The following WDPCP variants were observed in gnomAD, a reference collection of about 807,000 sequenced individuals.
WDPCP encodes the protein WD repeat-containing and planar cell polarity effector protein fritz homolog.
Under a neutral mutation model 93.1 loss-of-function variants are expected in WDPCP, and 71 were observed. The observed-to-expected ratio is 0.76, with a 90% confidence interval of 0.63 to 0.93. The LOEUF is 0.93. WDPCP is among the 40% of genes least tolerant of loss of function. The pLI, the probability that WDPCP is intolerant of heterozygous loss-of-function variation, is 0.00. For synonymous variants in WDPCP, 315 were observed against 315.0 expected, an observed-to-expected ratio of 1.00 and a Z score of 0.00; for missense variants, 844 against 887.4, an observed-to-expected ratio of 0.95 and a Z score of 0.62.
chr2:63,414,470 TATACACAC>T (rs1452377796), intron 9 of WDPCP, among the ~76,000 whole-genome samples: 3 of 117,002 alleles, frequency 2.6e-5, no homozygotes, highest in Non-Finnish European at 5.7e-5. Context: ...TACACACACA[TATACACAC>T]ACACACACAC....
intron 14 of WDPCP, among the ~76,000 whole-genome samples, chr2:63,223,344 G>A (rs773564364): frequency 4.6e-5 from 7 of 152,076 alleles, no homozygotes; most frequent in Non-Finnish European, 1.0e-4. Context: ...ATCAGAGAAC[G>A]TTTTACCACC....
intron 14 of WDPCP, among the ~76,000 whole-genome samples, chr2:63,227,354 G>C (rs1559223199): frequency 6.6e-6 from 1 of 151,928 alleles, no homozygotes; most frequent in South Asian, 2.1e-4. Flanking sequence ...CCATGCAAAG[G>C]TGTTACAGTG....
At chr2:63,398,910 A>T (rs1214369102) in intron 10 of WDPCP, among the ~76,000 whole-genome samples, 2 of 152,176 alleles carry the variant, frequency 1.3e-5, no homozygotes, top group East Asian at 3.8e-4. Flanking sequence ...GAAGTATATT[A>T]ATTTTTTTGG....
chr2:63,794,858 A>T (rs766318424), intron 2 of WDPCP, among the ~76,000 whole-genome samples: 1 of 152,208 alleles, frequency 6.6e-6, no homozygotes, highest in African/African-American at 2.4e-5. Context: ...GCACTCTTCT[A>T]TCTAGTCATT....
intron 2 of WDPCP, among the ~76,000 whole-genome samples, chr2:63,767,476 T>C (rs1048467409): frequency 1.3e-5 from 2 of 152,160 alleles, no homozygotes; most frequent in African/African-American, 4.8e-5. Context: ...GTATGAGAGT[T>C]CCTGTTGTTC....
chr2:63,403,963 A>G (rs1694345617), intron 10 of WDPCP, 85 bp downstream of exon 10: 2 of 1,569,930 alleles, frequency 1.3e-6, no homozygotes, highest in Non-Finnish European at 1.7e-6. Flanking sequence ...AGAAAAATCT[A>G]CATTCTAAGA....
chr2:63,328,065 G>A (rs543347010), intron 12 of WDPCP, among the ~76,000 whole-genome samples: 23 of 152,292 alleles, frequency 1.5e-4, no homozygotes, highest in African/African-American at 5.5e-4. Flanking sequence ...GAGAGGTGAA[G>A]CCAGCTGGGC....
At chr2:63,483,515 T>G (rs1292405055) in intron 6 of WDPCP, among the ~76,000 whole-genome samples, 3 of 151,770 alleles carry the variant, frequency 2.0e-5, no homozygotes, top group African/African-American at 7.3e-5. Flanking sequence ...TGAGTAAAGG[T>G]AGACTAGACA....
At chr2:63,401,901 G>A (rs1347188886) in intron 10 of WDPCP, among the ~76,000 whole-genome samples, 10 of 152,084 alleles carry the variant, frequency 6.6e-5, no homozygotes, top group African/African-American at 2.4e-5. Flanking sequence ...CAACCATTGT[G>A]GAAGACAGTA....
intron 2 of WDPCP, among the ~76,000 whole-genome samples, chr2:63,739,369 A>G (rs1262999314): frequency 6.6e-6 from 1 of 152,036 alleles, no homozygotes; most frequent in Non-Finnish European, 1.5e-5. Flanking sequence ...ATCCTTTTTT[A>G]TGGCTGCATG....
chr2:63,768,334 TG>T (rs1670176502), intron 2 of WDPCP, among the ~76,000 whole-genome samples: 1 of 151,830 alleles, frequency 6.6e-6, no homozygotes, highest in South Asian at 2.1e-4. Flanking sequence ...GTGCCATTTT[TG>T]TTCCTTTTTT....
chr2:63,433,072 C>T (rs559914463), intron 9 of WDPCP, among the ~76,000 whole-genome samples: 25 of 152,094 alleles, frequency 1.6e-4, no homozygotes, highest in African/African-American at 5.8e-4. Flanking sequence ...AATTCTGTAA[C>T]CAAAGTACTA....
At chr2:63,706,362 C>T (rs1260162726) in intron 2 of WDPCP, among the ~76,000 whole-genome samples, 1 of 152,112 alleles carries the variant, frequency 6.6e-6, no homozygotes, top group African/African-American at 2.4e-5. Flanking sequence ...TTATTTTGCT[C>T]ATTAGTTGAT....
chr2:63,303,424 C>G (rs1685481248), intron 13 of WDPCP, among the ~76,000 whole-genome samples: 1 of 152,188 alleles, frequency 6.6e-6, no homozygotes, highest in Non-Finnish European at 1.5e-5. Flanking sequence ...AGTCTCACCC[C>G]ACTAGATGAA....
At chr2:63,674,084 G>A (rs548828267) in intron 2 of WDPCP, among the ~76,000 whole-genome samples, 19 of 152,140 alleles carry the variant, frequency 1.2e-4, no homozygotes, top group Non-Finnish European at 2.8e-4. Context: ...TCACAACTCT[G>A]GTTTCGAGGA....
chr2:63,211,733 C>T (rs1213319031), intron 14 of WDPCP, among the ~76,000 whole-genome samples: 5 of 152,064 alleles, frequency 3.3e-5, no homozygotes, highest in South Asian at 2.1e-4. Context: ...AAATACTGGA[C>T]GAATGGCTAA....
chr2:63,223,513 T>A (rs1461097906), intron 14 of WDPCP, among the ~76,000 whole-genome samples: 2 of 152,108 alleles, frequency 1.3e-5, no homozygotes, highest in Non-Finnish European at 2.9e-5. Context: ...TGCTTTTCTG[T>A]GGAGCTTACA....
chr2:63,764,209 A>G (rs1052413887), intron 2 of WDPCP, among the ~76,000 whole-genome samples: 3 of 152,170 alleles, frequency 2.0e-5, no homozygotes, highest in African/African-American at 7.2e-5. Flanking sequence ...GAATTATTTA[A>G]TCTCTGGCTC....
At chr2:63,758,029 G>A (rs1669994858) in intron 2 of WDPCP, among the ~76,000 whole-genome samples, 1 of 151,542 alleles carries the variant, frequency 6.6e-6, no homozygotes. Context: ...TTAATTCATT[G>A]AAATTATTTC....
Sources: gnomAD v4.1 joint callset for allele counts (sites outside exome capture counted in the v4.1 genomes callset) on GRCh38, gnomAD v4.1.1 for gene constraint, MANE v1.5 for transcripts, NCBI Gene and HGNC (gene_info 2026-07-23, HGNC 2026-07-21) for gene names.